Variants in APBA2 observed in about 807,000 individuals in gnomAD.
APBA2 encodes amyloid beta precursor protein binding family A member 2.
APBA2 carries 30 observed loss-of-function variants against 75.0 expected under a neutral mutation model. That is an observed-to-expected ratio of 0.40 (90% CI 0.30 to 0.54). The LOEUF is 0.54. APBA2 is among the 20% of genes least tolerant of loss of function. The pLI is 0.49. For synonymous variants in APBA2, 444 were observed against 409.6 expected (o/e 1.08, Z -1.01); for missense variants, 801 against 1,016.1 (o/e 0.79, Z 2.88).
At chr15:29,079,225 G>T (rs2152929879) in intron 6 of APBA2, among the ~76,000 whole-genome samples, 1 of 152,208 alleles carries the variant, frequency 6.6e-6, no homozygotes. Context: ...CTTGGTGGGA[G>T]TTTTGTACCC....
chr15:28,975,205 T>TA (rs912943775), intron 2 of APBA2, among the ~76,000 whole-genome samples: 4 of 150,806 alleles, frequency 2.7e-5, no homozygotes, highest in South Asian at 4.2e-4. Context: ...CAGAAAGTTT[T>TA]AAAAAAAAAT....
chr15:29,057,699 C>T (rs536091863), intron 4 of APBA2, among the ~76,000 whole-genome samples: 4 of 152,282 alleles, frequency 2.6e-5, no homozygotes, highest in African/African-American at 4.8e-5. Context: ...TCCATTTGGG[C>T]GATGATGTGC....
At position 28,916,764 on chromosome 15, in the gene APBA2, C is replaced by T. The variant is rs1162960922; in HGVS notation, c.-204-4876C>T. On this transcript the variant is annotated intron_variant, in intron 1 of 14. Coordinates refer to ENST00000683413, the MANE Select transcript of APBA2 (RefSeq NM_001353788.2). ...CGTTGCCCTGCCTCTTTAAAAACGC[C>T]GTTGACTCTTCCAGCACGTGAACTC... Among the ~76,000 whole-genome samples the T allele has an allele frequency of 1.7e-3, 255 of 152,308 alleles. 3 individuals are homozygous for T. The Middle Eastern group carries it at 0.02, about 12-fold the overall frequency.
intron 1 of APBA2, among the ~76,000 whole-genome samples, chr15:28,913,341 C>T (rs573674462): frequency 5.3e-5 from 8 of 152,268 alleles, no homozygotes; most frequent in Non-Finnish European, 1.2e-4. Flanking sequence ...CACCTTGCTG[C>T]GACCACCAGG....
chr15:29,025,909 CCACTG>C (rs780002937), intron 3 of APBA2, among the ~76,000 whole-genome samples: 32 of 151,226 alleles, frequency 2.1e-4, no homozygotes, highest in Non-Finnish European at 3.5e-4. Context: ...CAAGATCGTG[CCACTG>C]CACTCCAGCC....
rs1169663930 is a variant in APBA2, at chr15:29,076,071, C to T, written c.1049C>T (p.Ser350Leu). 1 of 1,614,126 alleles carries T rather than the reference C, an allele frequency of 6.2e-7. No individual in the cohort carries two copies. The highest frequency in any genetic ancestry group is 2.2e-5 in the East Asian group (1 of 44,890). ...TCCTAACAGACAAAGAAGGTGGCAT[C>T]ATTTCCAAGTTTTGTGGCTGGTAAG... ...NNIPETKKVA[S>L]FPSFVAVPGP... The change falls in exon 6 of 15, where the codon TCA (serine) becomes TTA (leucine). Residue 350 changes from serine (S) to leucine (L), a missense_variant. Physicochemically the swap from Ser to Leu is moderately radical, Grantham distance 145. Around this residue, in one of 2 missense-constraint regions of APBA2, gnomAD observed 434 missense variants for 471.6 expected, o/e 0.92. Coordinates refer to ENST00000683413, the MANE Select transcript of APBA2 (RefSeq NM_001353788.2).
At chr15:28,925,940 C>T (rs1260786692) in intron 2 of APBA2, among the ~76,000 whole-genome samples, 1 of 151,982 alleles carries the variant, frequency 6.6e-6, no homozygotes, top group Non-Finnish European at 1.5e-5. Context: ...CCTCTTTATC[C>T]CTGATAATTT....
intron 6 of APBA2, 109 bp downstream of exon 6, chr15:29,076,200 C>G (rs2042843172): frequency 8.3e-7 from 1 of 1,199,246 alleles, no homozygotes. Context: ...CAAAGCGTGC[C>G]TACCTACCAG....
chr15:28,957,422 G>A (rs1254060355), intron 2 of APBA2, among the ~76,000 whole-genome samples: 1 of 152,160 alleles, frequency 6.6e-6, no homozygotes, highest in Admixed American at 6.5e-5. Context: ...CCCAGAAGTG[G>A]AGTCATTCCT....
chr15:28,960,578 C>A (rs1169904971), intron 2 of APBA2, among the ~76,000 whole-genome samples: 1 of 151,850 alleles, frequency 6.6e-6, no homozygotes, highest in Non-Finnish European at 1.5e-5. Flanking sequence ...CTGCGGGGGG[C>A]AGATGGACTC....
chr15:29,055,310 A>G (rs1347839861), intron 4 of APBA2, among the ~76,000 whole-genome samples: 1 of 152,148 alleles, frequency 6.6e-6, no homozygotes, highest in Non-Finnish European at 1.5e-5. Flanking sequence ...GCATTTCACA[A>G]TGGACGGGTC....
At chr15:28,900,954 C>A (rs2032815047) in intron 1 of APBA2, among the ~76,000 whole-genome samples, 1 of 152,194 alleles carries the variant, frequency 6.6e-6, no homozygotes, top group Non-Finnish European at 1.5e-5. Context: ...ACCCCTGGAT[C>A]CCAGCACCTG....
chr15:29,104,772 A>C (rs184357197), intron 10 of APBA2, among the ~76,000 whole-genome samples: 1 of 152,306 alleles, frequency 6.6e-6, no homozygotes. Flanking sequence ...CATTTTCGGC[A>C]TCAGATGAGT....
At chr15:29,087,786 T>C (rs1367780538) in intron 6 of APBA2, among the ~76,000 whole-genome samples, 1 of 152,188 alleles carries the variant, frequency 6.6e-6, no homozygotes, top group African/African-American at 2.4e-5. Context: ...GCTCTCCTGC[T>C]GATCTGGTGG....
chr15:28,890,141 G>T (rs2032034598), intron 1 of APBA2, among the ~76,000 whole-genome samples: 1 of 152,182 alleles, frequency 6.6e-6, no homozygotes, highest in Non-Finnish European at 1.5e-5. Flanking sequence ...TTCACATTTG[G>T]ATCCTCCTGG....
At chr15:28,987,143 G>A (rs1057252325) in intron 2 of APBA2, among the ~76,000 whole-genome samples, 3 of 152,226 alleles carry the variant, frequency 2.0e-5, no homozygotes, top group Admixed American at 2.0e-4. Flanking sequence ...CATTCAGTCT[G>A]TAGCAGCATA....
intron 4 of APBA2, among the ~76,000 whole-genome samples, chr15:29,065,808 T>C (rs576245826): frequency 6.6e-6 from 1 of 152,338 alleles, no homozygotes; most frequent in South Asian, 2.1e-4. Flanking sequence ...GGTCCAGGCC[T>C]CCATCTGGTC....
intron 3 of APBA2, among the ~76,000 whole-genome samples, chr15:28,996,769 A>G (rs1423557163): frequency 6.6e-6 from 1 of 152,198 alleles, no homozygotes; most frequent in Non-Finnish European, 1.5e-5. Context: ...AGCATGTGGT[A>G]AGCTTGGACA....
chr15:29,094,188 T>A (rs761217371), intron 7 of APBA2, 90 bp from the exon 8 acceptor site: 148 of 1,402,962 alleles, frequency 1.1e-4, no homozygotes, highest in Non-Finnish European at 1.5e-4. Context: ...GACCTGAGAG[T>A]GGGGGCATCA....
Sources: allele counts gnomAD v4.1 joint callset (sites outside exome capture counted in the v4.1 genomes callset), GRCh38; gene constraint gnomAD v4.1.1; regional missense constraint gnomAD v4.1.1; transcripts MANE v1.5; gene names NCBI Gene and HGNC (gene_info 2026-07-23, HGNC 2026-07-21).